OSBPL3: variants seen among roughly 807,000 people sequenced by gnomAD.
OSBPL3 encodes the protein oxysterol binding protein like 3.
OSBPL3 carries 65 observed loss-of-function variants against 120.1 expected under a neutral mutation model. That is an observed-to-expected ratio of 0.54 (90% CI 0.44 to 0.67). The LOEUF is 0.67. Ranked by LOEUF, OSBPL3 falls within the 30% of genes least tolerant of loss-of-function variation. The pLI is 0.00. For missense variants in OSBPL3, 1,004 were observed against 1,082.1 expected (o/e 0.93, Z 1.01); for synonymous variants, 416 against 402.6 (o/e 1.03, Z -0.40).
Position 24,840,739 on chromosome 7 carries a change from A to G in OSBPL3, c.1446T>C (p.Leu482=). ...AATCATTACTGAGATTATCTAAGGA[A>G]AGATTATCACTTATGTCACTGACAT... is the stretch of plus-strand genomic sequence containing the variant. ...DSYVSDISDN[L]SLDNLSNDLD... Residue 482 remains leucine (L), a synonymous_variant, in exon 14 of 23, where the codon CTT becomes CTC. Transcript: ENST00000313367. 1.4e-6 allele frequency: 2 copies of G among 1,472,754 alleles called. No individual in the cohort carries two copies. Among genetic ancestry groups the G allele is most frequent in the Non-Finnish European group, 1.9e-6 (2 of 1,071,358 alleles). 91.2% of individuals were successfully genotyped at this position (1,472,754 alleles called of 1,614,324 possible).
intron 1 of OSBPL3, among the ~76,000 whole-genome samples, chr7:24,944,895 A>G (rs1364642819): frequency 6.6e-6 from 1 of 152,174 alleles, no homozygotes; most frequent in Non-Finnish European, 1.5e-5. Context: ...AAACCAGAAA[A>G]CAGGAAACAA....
In OSBPL3 at chr7:24,816,655, G is replaced by A. The variant is rs1794511583; in HGVS notation, c.1982C>T (p.Ser661Phe). ...VRWKNKFWGK[S>F]MEIVPIGTTH... Reference sequence around the variant, plus strand: ...TGTGCCAATTGGAACAATTTCCATGGATTTGCCCCAGAATTTGTTTTTCCA... The same window carrying A: ...TGTGCCAATTGGAACAATTTCCATGAATTTGCCCCAGAATTTGTTTTTCCA... Residue 661 changes from serine to phenylalanine, a missense_variant, in exon 18 of 23, where the codon TCC becomes TTC. Physicochemically the swap from Ser to Phe is radical, Grantham distance 155. Coordinates refer to ENST00000313367, the MANE Select transcript of OSBPL3 (RefSeq NM_015550.4). 1 of 1,612,638 alleles carries A rather than the reference G, an allele frequency of 6.2e-7. No homozygotes were observed. The highest frequency in any genetic ancestry group is 1.3e-5 in the African/African-American group (1 of 74,864).
At chr7:24,842,224 C>G in intron 13 of OSBPL3, 55 bp downstream of exon 13, 1 of 1,571,188 alleles carries the variant, frequency 6.4e-7, no homozygotes, top group Non-Finnish European at 8.7e-7. Context: ...ACAGATTAAT[C>G]AGCAAAGCAA....
intron 1 of OSBPL3, among the ~76,000 whole-genome samples, chr7:24,951,527 G>C (rs1814437388): frequency 6.6e-6 from 1 of 152,100 alleles, no homozygotes; most frequent in African/African-American, 2.4e-5. Context: ...AAGAAATCTG[G>C]TTTACAAAAG....
intron 10 of OSBPL3, among the ~76,000 whole-genome samples, chr7:24,860,017 A>C (rs960057422): frequency 1.3e-5 from 2 of 152,190 alleles, no homozygotes; most frequent in African/African-American, 2.4e-5. Flanking sequence ...GTTACATCTT[A>C]CACATCTATG....
chr7:24,868,039 C>T (rs1801578772), intron 5 of OSBPL3, among the ~76,000 whole-genome samples: 1 of 152,162 alleles, frequency 6.6e-6, no homozygotes, highest in Non-Finnish European at 1.5e-5. Flanking sequence ...TCAATTTTGG[C>T]TGGGCACAGT....
At chr7:24,909,785 T>TTG in intron 1 of OSBPL3, among the ~76,000 whole-genome samples, 1 of 61,716 alleles carries the variant, frequency 1.6e-5, no homozygotes, top group African/African-American at 7.9e-5. Context: ...TTTTCTTTCT[T>TTG]TTTTTTTTTT....
intron 1 of OSBPL3, among the ~76,000 whole-genome samples, chr7:24,909,768 GTTTTTTTTTTCTTTCTTTTTTTTTTT>G: frequency 9.0e-6 from 1 of 110,632 alleles, no homozygotes; most frequent in African/African-American, 3.4e-5. Flanking sequence ...GAAAGCTACT[GTTTTTTTTTTCTTTCTTTTTTTTTTT>G]TTTTTTTTTT....
intron 1 of OSBPL3, among the ~76,000 whole-genome samples, chr7:24,978,386 G>A (rs1817817303): frequency 6.6e-6 from 1 of 152,210 alleles, no homozygotes; most frequent in Admixed American, 6.5e-5. Context: ...ATCAAGTGAT[G>A]AACAAGACAG....
chr7:24,892,292 C>G (rs936158599), intron 2 of OSBPL3, 85 bp downstream of exon 2: 1 of 1,371,606 alleles, frequency 7.3e-7, no homozygotes, highest in Non-Finnish European at 1.0e-6. Context: ...GAGAAGTAGG[C>G]TTTCCCAAGT....
At position 24,896,770 on chromosome 7, in the gene OSBPL3, C is replaced by A. The variant is rs1584539856; in HGVS notation, c.-149-4149G>T. Among the ~76,000 whole-genome samples, 1 of 152,080 alleles carries A rather than the reference C, an allele frequency of 6.6e-6. No individual in the cohort carries two copies. Among genetic ancestry groups the A allele is most frequent in the East Asian group, 1.9e-4 (1 of 5,196 alleles). On this transcript the variant is annotated intron_variant, in intron 1 of 22. Transcript: ENST00000313367. The surrounding 1 kb of genome is among the most constrained non-coding windows in gnomAD (Gnocchi z 4.4). ...AAAATGGGGAATAATAATAGCCACC[C>A]CAGAAAATTAGAAGGATTTGGCCAG... is the stretch of plus-strand genomic sequence containing the variant.
In OSBPL3 at chr7:24,863,370, C is replaced by A; in HGVS notation, c.778-78G>T. The A allele has an allele frequency of 1.4e-6, 2 of 1,382,294 alleles. No homozygotes were observed. The highest frequency in any genetic ancestry group is 1.0e-6 in the Non-Finnish European group (1 of 968,962). 85.6% of individuals were successfully genotyped at this position (1,382,294 alleles called of 1,614,324 possible). ...CAAGGATAAATGCATAGCAAAGTGA[C>A]CACCTCCATCCCCTTGACTTTGGCT... On this transcript the variant is annotated intron_variant, in intron 8 of 22. Coordinates refer to ENST00000313367, the MANE Select transcript of OSBPL3 (RefSeq NM_015550.4). This position sits in a 1 kb window ranked among gnomAD's most constrained non-coding sequence, Gnocchi z 5.8.
At chr7:24,850,913 A>T (rs1799070769) in intron 11 of OSBPL3, among the ~76,000 whole-genome samples, 1 of 152,244 alleles carries the variant, frequency 6.6e-6, no homozygotes, top group Non-Finnish European at 1.5e-5. Flanking sequence ...GCCAAAAAGG[A>T]AAGAAAGGAT....
At chr7:24,963,557 G>T (rs1816029379) in intron 1 of OSBPL3, among the ~76,000 whole-genome samples, 1 of 152,144 alleles carries the variant, frequency 6.6e-6, no homozygotes, top group African/African-American at 2.4e-5. Context: ...GCATCTGACT[G>T]CCTATGCACA....
At chr7:24,884,987 G>A (rs17150429) in intron 2 of OSBPL3, among the ~76,000 whole-genome samples, 5,132 of 152,068 alleles carry the variant, frequency 0.034, 140 homozygotes, top group African/African-American at 0.067. Context: ...TTATGAAATT[G>A]AAAGAAATAA....
chr7:24,962,905 T>C (rs563181813), intron 1 of OSBPL3, among the ~76,000 whole-genome samples: 5 of 152,358 alleles, frequency 3.3e-5, no homozygotes, highest in South Asian at 2.1e-4. Flanking sequence ...AAACCCTTTA[T>C]AGGAATAATT....
rs780548523 is a variant in OSBPL3 at position 24,871,720 on chromosome 7, G to C, written c.267+22C>G. 6.3e-7 allele frequency: 1 copy of C among 1,591,354 alleles called. No individual in the cohort carries two copies. The highest frequency in any genetic ancestry group is 8.6e-7 in the Non-Finnish European group (1 of 1,159,616). ...CCCTTTAGGATTCTTCAATACCACA[G>C]TGGGCCCACAAAAAGACTTACATCG... On this transcript the variant is annotated intron_variant, in intron 4 of 22. Coordinates refer to ENST00000313367, the MANE Select transcript of OSBPL3 (RefSeq NM_015550.4). This position sits in a 1 kb window ranked among gnomAD's most constrained non-coding sequence, Gnocchi z 4.8.
Position 24,930,945 on chromosome 7 carries a change from A to C in OSBPL3, c.-149-38324T>G, listed in dbSNP as rs917110744. The stretch of plus-strand genomic sequence containing the variant: ...TGAAGATGACTTTTTTAATTCCAAA[A>C]ATTATTTAACATTCTCACAGGAAGT... On this transcript the variant is annotated intron_variant, in intron 1 of 22. Transcript: ENST00000313367. This position sits in a 1 kb window ranked among gnomAD's most constrained non-coding sequence, Gnocchi z 4.4. Among the ~76,000 whole-genome samples, 1 of 152,194 alleles carries C rather than the reference A, an allele frequency of 6.6e-6. No homozygotes were observed. The highest frequency in any genetic ancestry group is 1.5e-5 in the Non-Finnish European group (1 of 68,036).
rs183975088 is a variant in OSBPL3 at position 24,934,104 on chromosome 7, T to A, written c.-149-41483A>T. ...ATAAGGTCATATTGGAGCAGTCTTT[T>A]ACATGAAAAATTAAATCTCACCACT... On this transcript the variant is annotated intron_variant, in intron 1 of 22. Coordinates refer to ENST00000313367, the MANE Select transcript of OSBPL3 (RefSeq NM_015550.4). Among the ~76,000 whole-genome samples the A allele has an allele frequency of 2.6e-5, 4 of 152,338 alleles. No individual in the cohort carries two copies. In the East Asian group the frequency reaches 7.7e-4, roughly 29 times the overall value.
Sources: allele counts gnomAD v4.1 joint callset (sites outside exome capture counted in the v4.1 genomes callset), GRCh38; gene constraint gnomAD v4.1.1; non-coding constraint Gnocchi (gnomAD v3.1); transcripts MANE v1.5; gene names NCBI Gene and HGNC (gene_info 2026-07-23, HGNC 2026-07-21).